SYN3: variants seen among roughly 807,000 people sequenced by gnomAD.
SYN3 encodes synapsin-3.
A neutral mutation model predicts 65.8 loss-of-function variants in SYN3; 35 were observed. The observed-to-expected ratio is 0.53, with a 90% CI of 0.41 to 0.70. The LOEUF is 0.70. Among genes scored for constraint, SYN3 ranks in the 30% least tolerant of loss-of-function variants. The pLI, the probability that SYN3 is intolerant of heterozygous loss-of-function variation, is 0.00. For missense variants in SYN3, 680 were observed against 749.0 expected (o/e 0.91, Z 1.08); for synonymous variants, 270 against 292.9 (o/e 0.92, Z 0.80).
chr22:32,828,291 A>G (rs1173037874), intron 6 of SYN3, among the ~76,000 whole-genome samples: 1 of 152,210 alleles, frequency 6.6e-6, no homozygotes, highest in Non-Finnish European at 1.5e-5. Context: ...CAAGAGGGCA[A>G]GTTCTTACGG....
At chr22:32,979,296 TCTC>T (rs1339906076) in intron 3 of SYN3, among the ~76,000 whole-genome samples, 3 of 152,136 alleles carry the variant, frequency 2.0e-5, no homozygotes, top group Non-Finnish European at 4.4e-5. Context: ...ATATACTCGT[TCTC>T]CACATATTAG....
At chr22:32,696,938 C>T (rs2060744549) in intron 6 of SYN3, among the ~76,000 whole-genome samples, 1 of 152,184 alleles carries the variant, frequency 6.6e-6, no homozygotes, top group Non-Finnish European at 1.5e-5. Context: ...AGCCTGCTTC[C>T]TGCTGCCCAA....
At chr22:33,027,232 G>A (rs956444004) in intron 1 of SYN3, among the ~76,000 whole-genome samples, 2 of 151,916 alleles carry the variant, frequency 1.3e-5, no homozygotes, top group African/African-American at 4.8e-5. Context: ...TATATATGAC[G>A]TATATATTCT....
intron 6 of SYN3, among the ~76,000 whole-genome samples, chr22:32,663,345 C>A (rs1259689371): frequency 4.7e-5 from 7 of 150,192 alleles, no homozygotes; most frequent in Admixed American, 4.7e-4. Flanking sequence ...GTCGCCCAGG[C>A]TGGAGTGCAG....
chr22:32,579,300 T>G (rs1248858409), intron 7 of SYN3, among the ~76,000 whole-genome samples: 1 of 152,202 alleles, frequency 6.6e-6, no homozygotes, highest in Non-Finnish European at 1.5e-5. Context: ...CAAAATATCT[T>G]AGACTGGATA....
At chr22:32,647,384 C>T (rs1424102267) in intron 6 of SYN3, among the ~76,000 whole-genome samples, 1 of 152,008 alleles carries the variant, frequency 6.6e-6, no homozygotes, top group African/African-American at 2.4e-5. Flanking sequence ...CATCAACAGA[C>T]TGAATCATAT....
chr22:33,048,396 G>A (rs891419252), intron 1 of SYN3, among the ~76,000 whole-genome samples: 15 of 152,130 alleles, frequency 9.9e-5, no homozygotes, highest in African/African-American at 3.6e-4. Context: ...ATCATGTGTA[G>A]CTAAAAATAC....
chr22:32,679,048 C>CTTTTTTTTT (rs145971116), intron 6 of SYN3, among the ~76,000 whole-genome samples: 12 of 85,634 alleles, frequency 1.4e-4, no homozygotes, highest in Non-Finnish European at 2.1e-4. Context: ...TTGTTTCTTT[C>CTTTTTTTTT]TTTTTTTTTT....
At chr22:32,602,766 G>T (rs2059303837) in intron 6 of SYN3, among the ~76,000 whole-genome samples, 1 of 152,000 alleles carries the variant, frequency 6.6e-6, no homozygotes, top group Admixed American at 6.6e-5. Flanking sequence ...AGCCAATCCT[G>T]ATAGTTTTAA....
intron 10 of SYN3, among the ~76,000 whole-genome samples, chr22:32,532,791 C>T (rs544342932): frequency 2.3e-3 from 351 of 152,310 alleles, no homozygotes; most frequent in Non-Finnish European, 2.9e-3. Flanking sequence ...GCCGCCCACA[C>T]CCCGGGGAGG....
intron 6 of SYN3, among the ~76,000 whole-genome samples, chr22:32,689,165 C>G (rs991713368): frequency 6.6e-4 from 100 of 152,296 alleles, no homozygotes; most frequent in African/African-American, 2.3e-3. Flanking sequence ...AAGGGAGCAT[C>G]TCTGCGGAGA....
chr22:32,581,520 T>C (rs542090612), intron 7 of SYN3, among the ~76,000 whole-genome samples: 155 of 152,314 alleles, frequency 1.0e-3, no homozygotes, highest in African/African-American at 3.6e-3. Context: ...TTAGGTCCTT[T>C]GTACATCCTG....
chr22:32,819,500 AAT>A (rs2047177683), intron 6 of SYN3, among the ~76,000 whole-genome samples: 1 of 152,224 alleles, frequency 6.6e-6, no homozygotes, highest in African/African-American at 2.4e-5. Context: ...AGGTCCCATT[AAT>A]ACATATGCTA....
intron 6 of SYN3, among the ~76,000 whole-genome samples, chr22:32,825,379 A>G (rs1310976219): frequency 6.6e-6 from 1 of 151,952 alleles, no homozygotes; most frequent in African/African-American, 2.4e-5. Context: ...TGTATGTGTT[A>G]GCCAGGCACG....
intron 6 of SYN3, among the ~76,000 whole-genome samples, chr22:32,770,883 A>AATTAACACATAT (rs1569211084): frequency 0.035 from 5,295 of 151,822 alleles, 313 homozygotes; most frequent in African/African-American, 0.12. Context: ...ATATGTGTTC[A>AATTAACACATAT]GTTATTATTA....
chr22:32,535,787 G>A (rs2058155108), intron 9 of SYN3, among the ~76,000 whole-genome samples: 1 of 152,098 alleles, frequency 6.6e-6, no homozygotes, highest in African/African-American at 2.4e-5. Flanking sequence ...GAATCGGGGG[G>A]GGGGCCCTGC....
At chr22:32,728,217 A>G (rs1467064673) in intron 6 of SYN3, among the ~76,000 whole-genome samples, 1 of 152,286 alleles carries the variant, frequency 6.6e-6, no homozygotes, top group African/African-American at 2.4e-5. Flanking sequence ...AAGCAATTGC[A>G]ACAGAGGCAA....
intron 6 of SYN3, among the ~76,000 whole-genome samples, chr22:32,710,645 A>AAAAAAAAAAAAAAAAAAAAAAAAAAAAAG (rs1555931894): frequency 1.6e-5 from 2 of 126,978 alleles, no homozygotes; most frequent in African/African-American, 7.0e-5. Flanking sequence ...AAAAAAAAAA[A>AAAAAAAAAAAAAAAAAAAAAAAAAAAAAG]AAAGAAAGAA....
intron 4 of SYN3, among the ~76,000 whole-genome samples, chr22:32,906,394 T>C (rs763937651): frequency 6.6e-6 from 1 of 152,186 alleles, no homozygotes; most frequent in African/African-American, 2.4e-5. Context: ...TCCACTTATT[T>C]GAAATGATTC....
Sources: allele counts gnomAD v4.1 joint callset (sites outside exome capture counted in the v4.1 genomes callset), GRCh38; gene constraint gnomAD v4.1.1; transcripts MANE v1.5; gene names NCBI Gene and HGNC (gene_info 2026-07-23, HGNC 2026-07-21).